The following ZSCAN12 variants were observed in gnomAD, a reference collection of about 807,000 sequenced individuals.
ZSCAN12 encodes zinc finger and SCAN domain containing 12.
ZSCAN12 carries 18 observed loss-of-function variants against 23.4 expected under a neutral mutation model. The observed-to-expected ratio is 0.77, with a 90% CI of 0.53 to 1.14. ZSCAN12 has a LOEUF of 1.14. Among genes scored for constraint, ZSCAN12 ranks in the 50% most tolerant of loss-of-function variants. ZSCAN12 has a pLI of 0.00. For missense variants in ZSCAN12, 650 were observed against 735.0 expected (o/e 0.88, Z 1.34); for synonymous variants, 186 against 253.4 (o/e 0.73, Z 2.53).
chr6:28,392,889 C>G lies in ZSCAN12; in HGVS notation c.547+13G>C. ...TCTTCCCCTTCCTCCCAAGATGGGT[C>G]TTTCTTCTTTACCTTGCTCCTGTTG... On this transcript the variant is annotated intron_variant, in intron 3 of 3. Coordinates refer to ENST00000684592, the MANE Select transcript of ZSCAN12 (RefSeq NM_001163391.2). The G allele has an allele frequency of 6.4e-7, 1 of 1,551,882 alleles. No individual in the cohort carries two copies. The highest frequency in any genetic ancestry group is 8.7e-7 in the Non-Finnish European group (1 of 1,147,006).
intron 1 of ZSCAN12, among the ~76,000 whole-genome samples, chr6:28,399,096 A>G (rs980297944): frequency 1.1e-4 from 16 of 152,250 alleles, no homozygotes; most frequent in Non-Finnish European, 2.1e-4. Flanking sequence ...GTAAATAATA[A>G]TAACAAAAGG....
rs556459380 is a variant in ZSCAN12 at position 28,386,757 on chromosome 6, CT to C, written c.*3696del. ...ACCTGGAAATTCCATGTCACTCCAC[CT>C]TTTTTTGGTACTACAACTGTATTTA... On this transcript the variant is annotated 3_prime_UTR_variant, in exon 4 of 4. Coordinates refer to ENST00000684592, the MANE Select transcript of ZSCAN12 (RefSeq NM_001163391.2). Among the ~76,000 whole-genome samples, 19 of 152,288 alleles carry C rather than the reference CT, an allele frequency of 1.2e-4. No individual in the cohort carries two copies. The highest frequency in any genetic ancestry group is 4.1e-4 in the African/African-American group (17 of 41,564).
In ZSCAN12 at chr6:28,391,395, C is replaced by T. The variant is rs1270739916; in HGVS notation, c.895G>A (p.Asp299Asn). 7.7e-6 allele frequency: 12 copies of T among 1,551,684 alleles called. No homozygotes were observed. The highest frequency in any genetic ancestry group is 1.0e-5 in the Non-Finnish European group (12 of 1,146,784). Residue 299 changes from aspartate to asparagine, a missense_variant, in exon 4 of 4, where the codon GAT becomes AAT. By Grantham distance (23) the Asp-to-Asn change is conservative. Coordinates refer to ENST00000684592, the MANE Select transcript of ZSCAN12 (RefSeq NM_001163391.2). The surrounding 1 kb of genome is among the most constrained non-coding windows in gnomAD (Gnocchi z 4.1). ...CATTCTTCGCATTTGTAGGGTCTAT[C>T]TCCAGTATGGATCCTCTGATGTTCT... Reference protein sequence around the residue: ...LIEHQRIHTGDRPYKCEECGK... With the variant: ...LIEHQRIHTGNRPYKCEECGK...
rs1287772101 is a variant in ZSCAN12, at chr6:28,391,087, AAGTATGGAACGCCGACTAAAACTT to A, written c.1179_1202del (p.Lys393_Leu401delinsAsn). On this transcript the variant is annotated inframe_deletion, in exon 4 of 4. Transcript: ENST00000684592. This position sits in a 1 kb window ranked among gnomAD's most constrained non-coding sequence, Gnocchi z 4.1. ...CGGTATGAACTCCTTGATGCTGAGT[AAGTATGGAACGCCGACTAAAACTT>A]TTATTACACTGAGTGCACTGATAAG... 2.4e-5 allele frequency: 37 copies of A among 1,552,436 alleles called. No individual in the cohort carries two copies. In the East Asian group the frequency reaches 6.6e-4, roughly 28 times the overall value.
At chr6:28,393,672 A>G (rs1392946207) in intron 2 of ZSCAN12, among the ~76,000 whole-genome samples, 2 of 146,242 alleles carry the variant, frequency 1.4e-5, no homozygotes, top group African/African-American at 2.5e-5. Flanking sequence ...GCCCAGTTCA[A>G]GGTTATAGTG....
chr6:28,382,389 A>C, downstream of ZSCAN12: 1 of 1,457,524 alleles, frequency 6.9e-7, no homozygotes. Flanking sequence ...AGCTATCTCC[A>C]GAGAGTAGCA....
At chr6:28,382,290 GTC>G (rs1272450208), downstream of ZSCAN12, 1 of 701,920 alleles carries the variant, frequency 1.4e-6, no homozygotes, top group African/African-American at 1.8e-5. Context: ...AGCTTCCTAA[GTC>G]TTCTGACAGC....
At chr6:28,383,757 G>A (rs1295050703), downstream of ZSCAN12, among the ~76,000 whole-genome samples, 1 of 152,146 alleles carries the variant, frequency 6.6e-6, no homozygotes, top group Non-Finnish European at 1.5e-5. Flanking sequence ...GCTGGCCACT[G>A]CTCATCAGTT....
Position 28,398,224 on chromosome 6 carries a change from C to T in ZSCAN12, c.182G>A (p.Arg61His). 2 of 1,614,006 alleles carry T rather than the reference C, an allele frequency of 1.2e-6. No homozygotes were observed. Among genetic ancestry groups the T allele is most frequent in the Non-Finnish European group, 1.7e-6 (2 of 1,179,956 alleles). ...TTCTCGGAGTCGGCTCAAAGCCTCACGGGGACCAGATGTCTCCTGGTAGCA... is the reference window on the plus strand; with the variant it reads ...TTCTCGGAGTCGGCTCAAAGCCTCATGGGGACCAGATGTCTCCTGGTAGCA... ...QFCYQETSGPREALSRLRELC... is the reference protein window; with the variant it reads ...QFCYQETSGPHEALSRLRELC... Residue 61 changes from arginine (R) to histidine (H), a missense_variant, in exon 2 of 4, where the codon CGT becomes CAT. By Grantham distance (29) the Arg-to-His change is conservative. Transcript: ENST00000684592.
chr6:28,397,961 C>T (rs1761196319), intron 2 of ZSCAN12, 43 bp downstream of exon 2: 5 of 1,510,552 alleles, frequency 3.3e-6, no homozygotes, highest in Non-Finnish European at 4.4e-6. Context: ...TAGAAATCCA[C>T]AATTTATGTT....
chr6:28,394,568 T>C (rs1472172685), intron 2 of ZSCAN12, among the ~76,000 whole-genome samples: 1 of 152,248 alleles, frequency 6.6e-6, no homozygotes, highest in Non-Finnish European at 1.5e-5. Context: ...GTGCCTTCTA[T>C]TCTGGGATCT....
intron 2 of ZSCAN12, among the ~76,000 whole-genome samples, chr6:28,397,172 G>A (rs9468368): frequency 0.35 from 53,605 of 151,088 alleles, 10,214 homozygotes; most frequent in African/African-American, 0.5. Context: ...GCACCTCCCC[G>A]AGTGATCCAC....
intron 3 of ZSCAN12, among the ~76,000 whole-genome samples, chr6:28,392,585 T>C (rs1760901601): frequency 6.6e-6 from 1 of 152,058 alleles, no homozygotes; most frequent in Non-Finnish European, 1.5e-5. Flanking sequence ...AGAAAGGATA[T>C]AGTGCAAGTG....
In ZSCAN12 at chr6:28,385,385, T is replaced by C. The variant is rs185442036; in HGVS notation, c.*5069A>G. Among the ~76,000 whole-genome samples, 28 of 152,316 alleles carry C rather than the reference T, an allele frequency of 1.8e-4. 1 individual carries two copies. In the South Asian group the frequency reaches 4.8e-3, roughly 26 times the overall value. Reference sequence around the variant, plus strand: ...TGCTGGCCAAACCTCATCCAAGATTTGGTATGCAGAGGGGGTGATAATATT... The same window carrying C: ...TGCTGGCCAAACCTCATCCAAGATTCGGTATGCAGAGGGGGTGATAATATT... On this transcript the variant is annotated 3_prime_UTR_variant, in exon 4 of 4. Coordinates refer to ENST00000684592, the MANE Select transcript of ZSCAN12 (RefSeq NM_001163391.2).
chr6:28,396,216 T>C (rs370303758), intron 2 of ZSCAN12, among the ~76,000 whole-genome samples: 1 of 152,054 alleles, frequency 6.6e-6, no homozygotes, highest in African/African-American at 2.4e-5. Flanking sequence ...TCTCACTATG[T>C]TGCCCAGGCT....
rs1008187740 is a variant in ZSCAN12, at chr6:28,386,068, T to C, written c.*4386A>G. ...TTGGAAGGAGGGCCCCATTCTTTTTTCCTCTGCAGTCACTTCCCACTGCAC... is the reference window on the plus strand; with the variant it reads ...TTGGAAGGAGGGCCCCATTCTTTTTCCCTCTGCAGTCACTTCCCACTGCAC... On this transcript the variant is annotated 3_prime_UTR_variant, in exon 4 of 4. Coordinates refer to ENST00000684592, the MANE Select transcript of ZSCAN12 (RefSeq NM_001163391.2). 1.3e-5 allele frequency among the ~76,000 whole-genome samples: 2 copies of C among 152,200 alleles called. No individual in the cohort carries two copies. The highest frequency in any genetic ancestry group is 4.8e-5 in the African/African-American group (2 of 41,446).
chr6:28,382,158 C>T (rs997431015), downstream of ZSCAN12: 12 of 188,992 alleles, frequency 6.3e-5, no homozygotes, highest in Non-Finnish European at 9.7e-5. Flanking sequence ...CATCGATTGC[C>T]TCGTCTCCAC....
intron 2 of ZSCAN12, 123 bp downstream of exon 2, chr6:28,397,881 T>C (rs370612738): frequency 5.3e-5 from 65 of 1,218,728 alleles, no homozygotes; most frequent in South Asian, 3.4e-4. Flanking sequence ...GTGAAACTCA[T>C]GCCCCTTTCT....
downstream of ZSCAN12, among the ~76,000 whole-genome samples, chr6:28,383,541 G>A (rs1432617645): frequency 6.6e-6 from 1 of 152,184 alleles, no homozygotes; most frequent in Non-Finnish European, 1.5e-5. Flanking sequence ...CAGCTGAGCA[G>A]TCAGGTAACC....
Sources: allele counts gnomAD v4.1 joint callset (sites outside exome capture counted in the v4.1 genomes callset), GRCh38; gene constraint gnomAD v4.1.1; non-coding constraint Gnocchi (gnomAD v3.1); transcripts MANE v1.5; gene names NCBI Gene and HGNC (gene_info 2026-07-23, HGNC 2026-07-21).